COL9A3: variants seen among roughly 807,000 people sequenced by gnomAD.
COL9A3 encodes collagen type IX alpha 3 chain.
In COL9A3, 82 loss-of-function variants were observed where a neutral mutation model predicts 110.2. The ratio of observed to expected loss-of-function variants is 0.74; its 90% CI spans 0.62 to 0.89. COL9A3 has a LOEUF of 0.89. Among genes scored for constraint, COL9A3 ranks in the 40% least tolerant of loss-of-function variants. COL9A3 has a pLI of 0.00. For missense variants in COL9A3, 1,066 were observed against 981.3 expected, an observed-to-expected ratio of 1.09 and a Z score of -1.15; for synonymous variants, 494 against 403.8, an observed-to-expected ratio of 1.22 and a Z score of -2.68.
intron 3 of COL9A3, 56 bp downstream of exon 3, chr20:62,818,609 A>T: frequency 6.5e-7 from 1 of 1,545,258 alleles, no homozygotes; most frequent in Non-Finnish European, 8.9e-7. Flanking sequence ...GAAAGGGGGA[A>T]CTCAGAACAG....
chr20:62,836,432 C>G (rs368785667), intron 28 of COL9A3, 46 bp from the exon 29 acceptor site: 2 of 1,613,488 alleles, frequency 1.2e-6, no homozygotes. Context: ...AATGCCTCAC[C>G]GAGGCTGCCG....
intron 10 of COL9A3, among the ~76,000 whole-genome samples, chr20:62,823,839 C>A (rs528017996): frequency 4.0e-4 from 61 of 152,384 alleles, no homozygotes; most frequent in Middle Eastern, 3.4e-3. Flanking sequence ...CCGGCCGGGA[C>A]TGTGCTGAAT....
At chr20:62,816,942 C>T (rs1389667262), upstream of COL9A3, 34 of 490,204 alleles carry the variant, frequency 6.9e-5, no homozygotes, top group Non-Finnish European at 5.9e-6. Flanking sequence ...CAGGTGGGCC[C>T]GGCTGAATGG....
At chr20:62,833,425 G>A (rs2063611420) in intron 26 of COL9A3, among the ~76,000 whole-genome samples, 1 of 152,142 alleles carries the variant, frequency 6.6e-6, no homozygotes, top group Admixed American at 6.5e-5. Flanking sequence ...TTTGTTTTGA[G>A]ACGAGTCTCA....
chr20:62,822,160 C>G lies in COL9A3; in HGVS notation c.473C>G (p.Pro158Arg). 18 of 1,569,848 alleles carry G rather than the reference C, an allele frequency of 1.1e-5. No individual in the cohort carries two copies. The highest frequency in any genetic ancestry group is 1.6e-5 in the Non-Finnish European group (18 of 1,140,404). Reference sequence around the variant, plus strand: ...CCTGGTCCCCCAGGACCTCCCGGACCCCCTGTAAGTACTGGGCAGAGGCTC... The same window carrying G: ...CCTGGTCCCCCAGGACCTCCCGGACGCCCTGTAAGTACTGGGCAGAGGCTC... ...GLPGPPGPPGPPGHPGVLPEG... is the reference protein window; with the variant it reads ...GLPGPPGPPGRPGHPGVLPEG... The change falls in exon 9 of 32, where the codon CCC (proline) becomes CGC (arginine). Residue 158 changes from proline (P) to arginine (R), a missense_variant. Pro to Arg is a moderately radical substitution (Grantham distance 103, BLOSUM62 -2). Coordinates refer to ENST00000649368, the MANE Select transcript of COL9A3 (RefSeq NM_001853.4).
chr20:62,838,572 C>A, intron 30 of COL9A3, 112 bp from the exon 31 acceptor site: 1 of 993,004 alleles, frequency 1.0e-6, no homozygotes, highest in Non-Finnish European at 1.6e-6. Context: ...TAAATGTTTC[C>A]ACTTCAGTGA....
chr20:62,832,721 A>C, intron 25 of COL9A3: 4 of 259,696 alleles, frequency 1.5e-5, no homozygotes, highest in East Asian at 2.3e-4. Context: ...TCTAGGCACA[A>C]GGCCTTTCCA....
chr20:62,818,862 CCTT>C (rs1568747475), intron 3 of COL9A3, among the ~76,000 whole-genome samples: 3 of 152,232 alleles, frequency 2.0e-5, no homozygotes, highest in East Asian at 3.9e-4. Flanking sequence ...AGCCCTCCCA[CCTT>C]CTTCAGTTCC....
Position 62,817,649 on chromosome 20 carries a change from TGG to T in COL9A3, c.147+17_147+18del. The T allele has an allele frequency of 6.6e-7, 1 of 1,524,574 alleles. No individual in the cohort carries two copies. The highest frequency in any genetic ancestry group is 8.8e-7 in the Non-Finnish European group (1 of 1,131,526). The allele number at this position is 1,524,574 out of a possible 1,614,324, so 94.4% of individuals were successfully genotyped here. A position where few individuals can be genotyped will look rare whatever the true frequency, so the allele number is the denominator to read the frequency against. On this transcript the variant is annotated intron_variant, in intron 2 of 31. Coordinates refer to ENST00000649368, the MANE Select transcript of COL9A3 (RefSeq NM_001853.4). ...GACGGCATTGACGTGAGTTTGGGGGTGGGGAGGGCCCCGAGCGCTCTGGGGTT... is the reference window on the plus strand; with the variant it reads ...GACGGCATTGACGTGAGTTTGGGGGTGGAGGGCCCCGAGCGCTCTGGGGTT...
intron 4 of COL9A3, 137 bp downstream of exon 4, chr20:62,819,430 C>T: frequency 3.6e-6 from 3 of 830,326 alleles, no homozygotes; most frequent in Non-Finnish European, 4.0e-6. Context: ...CCAGAAGTCC[C>T]CAACAGGGGT....
rs1435967729 is a variant in COL9A3 at position 62,822,186 on chromosome 20, T to C, written c.477+22T>C. ...CCCTGTAAGTACTGGGCAGAGGCTC[T>C]AAGAAGTGCTGGGCATGGACTAGGA... On this transcript the variant is annotated intron_variant, in intron 9 of 31. Transcript: ENST00000649368. 1.4e-6 allele frequency: 2 copies of C among 1,464,248 alleles called. 1 individual carries two copies. Among genetic ancestry groups the C allele is most frequent in the African/African-American group, 2.8e-5 (2 of 72,336 alleles). The allele number at this position is 1,464,248 out of a possible 1,614,324, so 90.7% of individuals were successfully genotyped here.
At chr20:62,836,424 T>C (rs745819235) in intron 28 of COL9A3, 54 bp from the exon 29 acceptor site, 198 of 1,613,178 alleles carry the variant, frequency 1.2e-4, no homozygotes, top group Non-Finnish European at 1.7e-4. Context: ...ACGGTGGGAA[T>C]GCCTCACCGA....
In COL9A3 at chr20:62,840,772, C is replaced by G. The variant is rs1306106605; in HGVS notation, c.*40C>G. ...AAGCAAGTGACAAGGACGCCCGAAG[C>G]ACAGTGGACGGTCATGAAGGAGCGG... On this transcript the variant is annotated 3_prime_UTR_variant, in exon 32 of 32. Coordinates refer to ENST00000649368, the MANE Select transcript of COL9A3 (RefSeq NM_001853.4). 6.5e-7 allele frequency: 1 copy of G among 1,549,262 alleles called. No homozygotes were observed.
chr20:62,816,408 G>A (rs1471500281), upstream of COL9A3: 2 of 152,284 alleles, frequency 1.3e-5, no homozygotes, highest in African/African-American at 4.8e-5. Context: ...GATCTCTCCT[G>A]GGAGTCTGGG....
chr20:62,840,524 T>C lies in COL9A3; in HGVS notation c.1865-18T>C. 6.2e-7 allele frequency: 1 copy of C among 1,609,632 alleles called. No individual in the cohort carries two copies. The highest frequency in any genetic ancestry group is 8.5e-7 in the Non-Finnish European group (1 of 1,178,330). Reference sequence around the variant, plus strand: ...AGTCCGGGCTGCAGCTGAACTCACCTTTCTGCTCTGTCCCAAGGACCCCAA... The same window carrying C: ...AGTCCGGGCTGCAGCTGAACTCACCCTTCTGCTCTGTCCCAAGGACCCCAA... On this transcript the variant is annotated intron_variant, in intron 31 of 31. Transcript: ENST00000649368.
chr20:62,817,789 G>T, intron 2 of COL9A3, 154 bp downstream of exon 2: 1 of 655,762 alleles, frequency 1.5e-6, no homozygotes, highest in Non-Finnish European at 2.8e-6. Flanking sequence ...CACGGGATGG[G>T]GGTGGCCCTG....
rs769162372 is a variant in COL9A3 at position 62,832,144 on chromosome 20, C to T, written c.1288-10C>T. The T allele has an allele frequency of 6.2e-7, 1 of 1,612,556 alleles. No individual in the cohort carries two copies. Among genetic ancestry groups the T allele is most frequent in the African/African-American group, 1.3e-5 (1 of 74,918 alleles). On this transcript the variant is annotated splice_polypyrimidine_tract_variant and intron_variant, in intron 24 of 31. Transcript: ENST00000649368. ...ATTCCTCTAATCCAGAGCCTTCTCTCCACATCCAGGGTCCGGGAGGTGCCG... is the reference window on the plus strand; with the variant it reads ...ATTCCTCTAATCCAGAGCCTTCTCTTCACATCCAGGGTCCGGGAGGTGCCG...
chr20:62,819,439 G>A (rs977063504), intron 4 of COL9A3, 146 bp downstream of exon 4: 3 of 795,404 alleles, frequency 3.8e-6, no homozygotes, highest in South Asian at 3.1e-5. Context: ...CCCAACAGGG[G>A]TCCTTTGGCC....
chr20:62,817,426 GC>G lies in COL9A3; in HGVS notation c.79-140del, dbSNP rs572527693. 5.0e-3 allele frequency: 3,127 copies of G among 630,364 alleles called. 84 individuals carry two copies. The African/African-American group carries it at 0.056, about 11-fold the overall frequency. 39.0% of individuals were successfully genotyped at this position (630,364 alleles called of 1,614,324 possible). Reference sequence around the variant, plus strand: ...GGGACACACTGCGCGGGGGCGCCGGGCTCCGCCCGAGGCTTTGGGTCTCACC... The same window carrying G: ...GGGACACACTGCGCGGGGGCGCCGGGTCCGCCCGAGGCTTTGGGTCTCACC... On this transcript the variant is annotated intron_variant, in intron 1 of 31. Coordinates refer to ENST00000649368, the MANE Select transcript of COL9A3 (RefSeq NM_001853.4).
Sources: allele counts gnomAD v4.1 joint callset (sites outside exome capture counted in the v4.1 genomes callset), GRCh38; gene constraint gnomAD v4.1.1; transcripts MANE v1.5; gene names NCBI Gene and HGNC (gene_info 2026-07-23, HGNC 2026-07-21).